PACS1: variants seen among roughly 807,000 people sequenced by gnomAD.
The protein encoded by PACS1 is phosphofurin acidic cluster sorting protein 1, also known as PACS-1.
A neutral mutation model predicts 115.0 loss-of-function variants in PACS1; 24 were observed. That is an observed-to-expected ratio of 0.21 (90% CI 0.15 to 0.29). The LOEUF (loss-of-function observed/expected upper bound fraction) is 0.29, where lower values mean the gene tolerates loss of function less well. Ranked by LOEUF, PACS1 falls within the 10% of genes least tolerant of loss-of-function variation. PACS1 has a pLI of 1.00. For synonymous variants in PACS1, 453 were observed against 504.5 expected, an observed-to-expected ratio of 0.90 and a Z score of 1.37; for missense variants, 838 against 1,251.2, an observed-to-expected ratio of 0.67 and a Z score of 4.98.
At chr11:66,187,133 A>AGTT (rs1854399783) in intron 1 of PACS1, among the ~76,000 whole-genome samples, 1 of 152,164 alleles carries the variant, frequency 6.6e-6, no homozygotes, top group Non-Finnish European at 1.5e-5. Flanking sequence ...TGTTGTTTCC[A>AGTT]GTATAGGACC....
chr11:66,090,790 A>G (rs1291570398), intron 1 of PACS1, among the ~76,000 whole-genome samples: 1 of 152,206 alleles, frequency 6.6e-6, no homozygotes, highest in Non-Finnish European at 1.5e-5. Context: ...TCAGATGAAT[A>G]TAGGTGATAT....
intron 22 of PACS1, 75 bp from the exon 23 acceptor site, chr11:66,242,837 G>A (rs1310463965): frequency 3.1e-6 from 5 of 1,597,724 alleles, no homozygotes; most frequent in Non-Finnish European, 4.3e-6. Context: ...GGAAGAAGGG[G>A]ACAGTCGGCT....
At chr11:66,210,217 A>G (rs1855039262) in intron 2 of PACS1, 145 bp from the exon 3 acceptor site, 3 of 592,738 alleles carry the variant, frequency 5.1e-6, no homozygotes, top group South Asian at 3.8e-5. Context: ...TATTTTTTGT[A>G]GAAACAGGAG....
chr11:66,139,052 G>T (rs1425562599), intron 1 of PACS1, among the ~76,000 whole-genome samples: 1 of 152,148 alleles, frequency 6.6e-6, no homozygotes, highest in African/African-American at 2.4e-5. Context: ...CACTGAAAAA[G>T]AGAAGTTCTG....
intron 1 of PACS1, among the ~76,000 whole-genome samples, chr11:66,087,563 C>G (rs1424684715): frequency 6.6e-6 from 1 of 152,196 alleles, no homozygotes; most frequent in Non-Finnish European, 1.5e-5. Flanking sequence ...TTCTGCTGCT[C>G]AACATTATGT....
At chr11:66,073,247 A>T (rs1267124444) in intron 1 of PACS1, among the ~76,000 whole-genome samples, 2 of 152,220 alleles carry the variant, frequency 1.3e-5, no homozygotes, top group Non-Finnish European at 2.9e-5. Context: ...TCCAATTATT[A>T]GAGTCATCTG....
intron 1 of PACS1, among the ~76,000 whole-genome samples, chr11:66,110,071 G>T (rs1032710733): frequency 1.3e-5 from 2 of 152,058 alleles, no homozygotes; most frequent in Non-Finnish European, 2.9e-5. Context: ...TGTCTTGGTT[G>T]CCATTTACTT....
intron 1 of PACS1, among the ~76,000 whole-genome samples, chr11:66,112,834 C>G (rs567441988): frequency 9.2e-5 from 14 of 152,284 alleles, no homozygotes; most frequent in Non-Finnish European, 2.1e-4. Flanking sequence ...AACCCAAATG[C>G]CCATCAACAC....
chr11:66,076,608 G>A (rs59610007), intron 1 of PACS1, among the ~76,000 whole-genome samples: 1 of 152,120 alleles, frequency 6.6e-6, no homozygotes, highest in African/African-American at 2.4e-5. Context: ...GGCCAGGCTG[G>A]TTTCGAACTT....
chr11:66,125,558 T>G (rs1303047150), intron 1 of PACS1, among the ~76,000 whole-genome samples: 2 of 152,176 alleles, frequency 1.3e-5, no homozygotes, highest in Non-Finnish European at 2.9e-5. Context: ...GAGAGCTAAG[T>G]CATGTTAAAT....
chr11:66,240,594 G>T (rs565214638), intron 21 of PACS1, among the ~76,000 whole-genome samples: 36 of 152,126 alleles, frequency 2.4e-4, no homozygotes, highest in Non-Finnish European at 2.5e-4. Context: ...GGGTCTTCTG[G>T]AGGGAACAGT....
chr11:66,070,871 C>T lies in PACS1; in HGVS notation c.356+29C>T, dbSNP rs1565095780. 2.8e-6 allele frequency: 4 copies of T among 1,415,266 alleles called. No individual in the cohort carries two copies. The highest frequency in any genetic ancestry group is 2.5e-4 in the Middle Eastern group (1 of 3,960). 87.7% of individuals were successfully genotyped at this position (1,415,266 alleles called of 1,614,324 possible). A position where few individuals can be genotyped will look rare whatever the true frequency, so the allele number is the denominator to read the frequency against. ...AGCGCGGGAGGGTGCGGCGGGGCGC[C>T]GGGGGAGCGGGGTGGCCGCCGGGGC... On this transcript the variant is annotated intron_variant, in intron 1 of 23. Coordinates refer to ENST00000320580, the MANE Select transcript of PACS1 (RefSeq NM_018026.4). This position sits in a 1 kb window ranked among gnomAD's most constrained non-coding sequence, Gnocchi z 5.9.
intron 4 of PACS1, among the ~76,000 whole-genome samples, chr11:66,212,990 CAG>C (rs1855112462): frequency 1.3e-5 from 2 of 152,192 alleles, no homozygotes; most frequent in Non-Finnish European, 2.9e-5. Context: ...GCTGGGATTA[CAG>C]GGACCCGCCA....
At chr11:66,164,092 T>C (rs946629506) in intron 1 of PACS1, among the ~76,000 whole-genome samples, 2 of 152,014 alleles carry the variant, frequency 1.3e-5, no homozygotes, top group Non-Finnish European at 2.9e-5. Flanking sequence ...AAATCACAAG[T>C]TGGTGTTTCC....
At chr11:66,099,608 C>T (rs58989048) in intron 1 of PACS1, among the ~76,000 whole-genome samples, 3,465 of 151,700 alleles carry the variant, frequency 0.023, 135 homozygotes, top group African/African-American at 0.079. Flanking sequence ...TACAGTCGCT[C>T]GATATCAGCT....
chr11:66,234,323 A>C, intron 17 of PACS1, 81 bp downstream of exon 17: 1 of 892,704 alleles, frequency 1.1e-6, no homozygotes, highest in Non-Finnish European at 1.9e-6. Context: ...GGCTGAGGTC[A>C]TGCTGCTTTC....
chr11:66,070,902 C>G lies in PACS1; in HGVS notation c.356+60C>G. On this transcript the variant is annotated intron_variant, in intron 1 of 23. Coordinates refer to ENST00000320580, the MANE Select transcript of PACS1 (RefSeq NM_018026.4). The surrounding 1 kb of genome is among the most constrained non-coding windows in gnomAD (Gnocchi z 5.9). ...AGCGGGGTGGCCGCCGGGGCCCAGC[C>G]CTCCCCGCCCCAGCGCCCATGGGGT... 3 of 1,364,342 alleles carry G rather than the reference C, an allele frequency of 2.2e-6. No individual in the cohort carries two copies. Among genetic ancestry groups the G allele is most frequent in the Non-Finnish European group, 1.9e-6 (2 of 1,065,016 alleles). The allele number at this position is 1,364,342 out of a possible 1,614,324, so 84.5% of individuals were successfully genotyped here.
chr11:66,150,305 G>A (rs964711192), intron 1 of PACS1, among the ~76,000 whole-genome samples: 1 of 151,952 alleles, frequency 6.6e-6, no homozygotes, highest in African/African-American at 2.4e-5. Context: ...AAACAAAACC[G>A]AAACAAAGAG....
At chr11:66,116,188 GC>G (rs1315818705) in intron 1 of PACS1, among the ~76,000 whole-genome samples, 1 of 152,176 alleles carries the variant, frequency 6.6e-6, no homozygotes, top group East Asian at 1.9e-4. Context: ...TGTCCTCTAA[GC>G]AAAGCAGCTA....
Sources: allele counts gnomAD v4.1 joint callset (sites outside exome capture counted in the v4.1 genomes callset), GRCh38; gene constraint gnomAD v4.1.1; non-coding constraint Gnocchi (gnomAD v3.1); transcripts MANE v1.5; gene names NCBI Gene and HGNC (gene_info 2026-07-23, HGNC 2026-07-21).